CHL1: variants seen among roughly 807,000 people sequenced by gnomAD.
CHL1 encodes the protein neural cell adhesion molecule L1-like protein.
Under a neutral mutation model 141.9 loss-of-function variants are expected in CHL1, and 96 were observed. That is an observed-to-expected ratio of 0.68 (90% confidence interval 0.57 to 0.80). The LOEUF (loss-of-function observed/expected upper bound fraction) is 0.80. CHL1 is among the 30% of genes least tolerant of loss of function. The pLI, the probability that CHL1 is intolerant of heterozygous loss-of-function variation, is 0.00. For synonymous variants in CHL1, 613 were observed against 502.2 expected, an observed-to-expected ratio of 1.22 and a Z score of -2.95; for missense variants, 1,820 against 1,457.2, an observed-to-expected ratio of 1.25 and a Z score of -4.05.
Position 299,407 on chromosome 3 carries a change from C to G in CHL1, c.-94-20276C>G, listed in dbSNP as rs75012720. 9.7e-3 allele frequency among the ~76,000 whole-genome samples: 1,476 copies of G among 152,204 alleles called. 32 individuals carry two copies. Among genetic ancestry groups the G allele is most frequent in the African/African-American group, 0.034 (1,425 of 41,540 alleles). ...TATGGACATGGGGGTGCTGCAGATTCTTACCATTGGTTCCCTTTTGGATGT... is the reference window on the plus strand; with the variant it reads ...TATGGACATGGGGGTGCTGCAGATTGTTACCATTGGTTCCCTTTTGGATGT... On this transcript the variant is annotated intron_variant, in intron 2 of 27. Transcript: ENST00000256509.
chr3:322,667 TA>T (rs1700688833), intron 3 of CHL1, among the ~76,000 whole-genome samples: 11 of 137,130 alleles, frequency 8.0e-5, no homozygotes, highest in Admixed American at 1.5e-4. Flanking sequence ...TATATATATA[TA>T]TAATTATATA....
intron 9 of CHL1, 97 bp from the exon 10 acceptor site, chr3:349,262 G>A: frequency 2.8e-6 from 3 of 1,065,000 alleles, no homozygotes; most frequent in South Asian, 2.9e-5. Context: ...GAGCACATGT[G>A]TAAAAGCACC....
At chr3:316,173 C>T (rs758869403) in intron 2 of CHL1, among the ~76,000 whole-genome samples, 47 of 152,122 alleles carry the variant, frequency 3.1e-4, no homozygotes, top group Middle Eastern at 6.8e-3. Flanking sequence ...ATGGAGCCAC[C>T]ATTTTTGAAC....
chr3:214,956 G>GCACACACA lies in CHL1; in HGVS notation c.-175+17913_-175+17920dup, dbSNP rs5845952. ...ATTGAAATGCCTAGCATGTGCACGT[G>GCACACACA]CACACACACACACACACACACACAC... On this transcript the variant is annotated intron_variant, in intron 1 of 27. Coordinates refer to ENST00000256509, the MANE Select transcript of CHL1 (RefSeq NM_006614.4). Among the ~76,000 whole-genome samples the GCACACACA allele has an allele frequency of 9.6e-3, 1,449 of 150,370 alleles. 67 individuals are homozygous for GCACACACA. Among genetic ancestry groups the GCACACACA allele is most frequent in the Admixed American group, 0.085 (1,274 of 15,064 alleles).
intron 2 of CHL1, among the ~76,000 whole-genome samples, chr3:306,458 A>C (rs538815656): frequency 2.0e-5 from 3 of 152,220 alleles, no homozygotes; most frequent in Admixed American, 2.0e-4. Flanking sequence ...CATTTAAACA[A>C]CCACTGGGAT....
At chr3:289,849 C>T (rs1188511955) in intron 2 of CHL1, among the ~76,000 whole-genome samples, 1 of 150,646 alleles carries the variant, frequency 6.6e-6, no homozygotes, top group African/African-American at 2.4e-5. Flanking sequence ...TATTGATGCT[C>T]ATGTGCTTTC....
chr3:314,325 A>ATGTGTG (rs200073063), intron 2 of CHL1, among the ~76,000 whole-genome samples: 4 of 55,212 alleles, frequency 7.2e-5, no homozygotes, highest in African/African-American at 5.0e-4. Flanking sequence ...CTCTCTCTCT[A>ATGTGTG]TGTGTATATA....
chr3:286,125 G>A (rs1383025637), intron 2 of CHL1, among the ~76,000 whole-genome samples: 1 of 152,126 alleles, frequency 6.6e-6, no homozygotes, highest in Non-Finnish European at 1.5e-5. Flanking sequence ...ATAGCCTCCT[G>A]TGTAAGATGT....
At position 405,486 on chromosome 3, in the gene CHL1, G is replaced by C. The variant is rs1355854001; in HGVS notation, c.3459-9G>C. The C allele has an allele frequency of 4.4e-6, 7 of 1,590,864 alleles. No homozygotes were observed. The highest frequency in any genetic ancestry group is 6.0e-6 in the Non-Finnish European group (7 of 1,160,462). ...TTTGTTGAGCTATTTTTGTTTGTTT[G>C]TTTTCTAGTGACAGTGATGAAAAGC... On this transcript the variant is annotated splice_polypyrimidine_tract_variant and intron_variant, in intron 27 of 27. Transcript: ENST00000256509.
intron 5 of CHL1, among the ~76,000 whole-genome samples, chr3:333,786 A>G (rs1244760186): frequency 6.6e-6 from 1 of 152,226 alleles, no homozygotes; most frequent in Non-Finnish European, 1.5e-5. Flanking sequence ...TGCCTTCATT[A>G]TCCAACTATC....
chr3:205,107 T>TC (rs1553567136), intron 1 of CHL1, among the ~76,000 whole-genome samples: 11 of 134,474 alleles, frequency 8.2e-5, no homozygotes, highest in South Asian at 2.6e-4. Flanking sequence ...TTTCTTTCTT[T>TC]TTTTTTTTTT....
At chr3:385,888 A>G (rs1215087801) in intron 19 of CHL1, 1 of 150,676 alleles carries the variant, frequency 6.6e-6, no homozygotes, top group Non-Finnish European at 1.5e-5. Context: ...CATGTCATTT[A>G]GTAATTAATT....
chr3:345,118 ATCTC>A (rs1445081595), intron 9 of CHL1, among the ~76,000 whole-genome samples: 3 of 152,276 alleles, frequency 2.0e-5, no homozygotes, highest in Non-Finnish European at 2.9e-5. Flanking sequence ...ATAAAATTAG[ATCTC>A]TCTGTCAATT....
chr3:369,416 A>T (rs1243394993), intron 15 of CHL1, among the ~76,000 whole-genome samples: 1 of 152,172 alleles, frequency 6.6e-6, no homozygotes, highest in Non-Finnish European at 1.5e-5. Context: ...TTGCTGGTGT[A>T]AAGGAATGCT....
intron 1 of CHL1, among the ~76,000 whole-genome samples, chr3:227,712 A>G (rs1701484734): frequency 6.6e-6 from 1 of 152,170 alleles, no homozygotes. Flanking sequence ...TTTGTACTCT[A>G]CGTTCTTTCT....
At chr3:351,740 A>G (rs1703281481) in intron 10 of CHL1, among the ~76,000 whole-genome samples, 1 of 152,168 alleles carries the variant, frequency 6.6e-6, no homozygotes, top group Non-Finnish European at 1.5e-5. Flanking sequence ...ATTACCAAAC[A>G]TAATATAATC....
At position 281,848 on chromosome 3, in the gene CHL1, C is replaced by T. The variant is rs147639830; in HGVS notation, c.-95+37156C>T. On this transcript the variant is annotated intron_variant, in intron 2 of 27. Transcript: ENST00000256509. ...GTGCTGGGATTACAGGCGTGAGCCACCATGCCCAGCCTATTTCTTTTTCCT... is the reference window on the plus strand; with the variant it reads ...GTGCTGGGATTACAGGCGTGAGCCATCATGCCCAGCCTATTTCTTTTTCCT... Among the ~76,000 whole-genome samples the T allele has an allele frequency of 6.9e-3, 1,053 of 152,318 alleles. 12 individuals carry two copies. The highest frequency in any genetic ancestry group is 0.024 in the African/African-American group (993 of 41,572).
intron 3 of CHL1, among the ~76,000 whole-genome samples, chr3:325,336 C>A (rs1263764837): frequency 6.6e-6 from 1 of 151,842 alleles, no homozygotes; most frequent in African/African-American, 2.4e-5. Flanking sequence ...ATGATATTTA[C>A]AATTTACCCA....
chr3:333,493 A>C (rs1701625587), intron 5 of CHL1, among the ~76,000 whole-genome samples: 1 of 152,140 alleles, frequency 6.6e-6, no homozygotes, highest in African/African-American at 2.4e-5. Context: ...TAAGTTTCCT[A>C]GGGAAAGAGT....
Sources: gnomAD v4.1 joint callset for allele counts (sites outside exome capture counted in the v4.1 genomes callset) on GRCh38, gnomAD v4.1.1 for gene constraint, MANE v1.5 for transcripts, NCBI Gene and HGNC (gene_info 2026-07-23, HGNC 2026-07-21) for gene names.